The following CACNA1D variants were observed in gnomAD, a reference collection of about 807,000 sequenced individuals.
CACNA1D encodes the protein voltage-dependent L-type calcium channel subunit alpha-1D.
Under a neutral mutation model 257.1 loss-of-function variants are expected in CACNA1D, and 55 were observed. The ratio of observed to expected loss-of-function variants is 0.21; its 90% confidence interval spans 0.17 to 0.27. The LOEUF (loss-of-function observed/expected upper bound fraction) is 0.27, where lower values mean the gene tolerates loss of function less well. CACNA1D is among the 10% of genes least tolerant of loss of function. The pLI is 1.00. For synonymous variants in CACNA1D, 980 were observed against 1,014.9 expected, an observed-to-expected ratio of 0.97 and a Z score of 0.65; for missense variants, 1,876 against 2,784.0, an observed-to-expected ratio of 0.67 and a Z score of 7.34.
Position 53,810,875 on chromosome 3 carries a change from A to T in CACNA1D, c.6193-238A>T, listed in dbSNP as rs141895693. On this transcript the variant is annotated intron_variant, in intron 47 of 47. Transcript: ENST00000350061. ...CGGCATATGTTTCTAGTTTATACTA[A>T]ATGTCTTTCCCCAGTGGGTTTCACT... 4.3e-4 allele frequency among the ~76,000 whole-genome samples: 65 copies of T among 151,758 alleles called. No individual in the cohort carries two copies. In the East Asian group the frequency reaches 0.011, roughly 27 times the overall value.
chr3:53,792,220 G>A lies in CACNA1D; in HGVS notation c.4923+5268G>A, dbSNP rs375941990. The stretch of plus-strand genomic sequence containing the variant: ...GATGTCAACAGAGGTAACCCTGCAG[G>A]TTGCATTTTCACATCTTAAGAATAG... On this transcript the variant is annotated intron_variant, in intron 40 of 47. Coordinates refer to ENST00000350061, the MANE Select transcript of CACNA1D (RefSeq NM_001128840.3). The A allele has an allele frequency of 4.6e-5, 7 of 152,148 alleles. No individual in the cohort carries two copies. The East Asian group carries it at 1.2e-3, about 25-fold the overall frequency. The allele number at this position is 152,148 out of a possible 1,614,324, so 9.4% of individuals were successfully genotyped here.
intron 8 of CACNA1D, among the ~76,000 whole-genome samples, chr3:53,682,365 T>TAAAAAAAAAAAAAAAAAAAAAAAAAAA (rs3082718): frequency 1.1e-4 from 5 of 47,364 alleles, no homozygotes; most frequent in Admixed American, 8.4e-4. Flanking sequence ...TTGTCTCTGG[T>TAAAAAAAAAAAAAAAAAAAAAAAAAAA]AAAAAAAAAA....
intron 38 of CACNA1D, among the ~76,000 whole-genome samples, chr3:53,780,917 T>C (rs1361344100): frequency 6.6e-6 from 1 of 152,160 alleles, no homozygotes; most frequent in Non-Finnish European, 1.5e-5. Context: ...AGGTGACTTC[T>C]TACAACCCTA....
intron 43 of CACNA1D, among the ~76,000 whole-genome samples, chr3:53,802,868 C>T (rs1439367956): frequency 6.6e-6 from 1 of 152,172 alleles, no homozygotes; most frequent in Non-Finnish European, 1.5e-5. Flanking sequence ...GGGAGACTTA[C>T]CACATTCCTG....
intron 3 of CACNA1D, among the ~76,000 whole-genome samples, chr3:53,647,976 G>A (rs994790283): frequency 1.3e-5 from 2 of 152,206 alleles, no homozygotes; most frequent in Admixed American, 6.5e-5. Flanking sequence ...AGAGGGCAAA[G>A]GAGAAGGAAA....
intron 5 of CACNA1D, among the ~76,000 whole-genome samples, chr3:53,664,034 G>T (rs2094234241): frequency 6.6e-6 from 1 of 152,156 alleles, no homozygotes; most frequent in African/African-American, 2.4e-5. Flanking sequence ...CCAAAGTGCT[G>T]GGATTACAGG....
At chr3:53,527,205 C>T (rs999343245) in intron 3 of CACNA1D, among the ~76,000 whole-genome samples, 1 of 152,200 alleles carries the variant, frequency 6.6e-6, no homozygotes, top group Non-Finnish European at 1.5e-5. Context: ...TACCCAAGGG[C>T]ATAGTGGCTG....
chr3:53,684,632 A>T (rs1165913969), intron 8 of CACNA1D, among the ~76,000 whole-genome samples: 2 of 99,694 alleles, frequency 2.0e-5, no homozygotes, highest in Non-Finnish European at 4.6e-5. Flanking sequence ...AAAAAAAAAA[A>T]AAAAAAAAAA....
intron 3 of CACNA1D, among the ~76,000 whole-genome samples, chr3:53,579,631 T>A (rs1390255740): frequency 6.6e-6 from 1 of 152,188 alleles, no homozygotes; most frequent in Non-Finnish European, 1.5e-5. Context: ...ACCCAGTGAT[T>A]TTCAAAAACA....
chr3:53,753,516 A>T, intron 28 of CACNA1D, 56 bp from the exon 29 acceptor site: 1 of 1,162,986 alleles, frequency 8.6e-7, no homozygotes, highest in Admixed American at 1.7e-5. Context: ...TCCATGTGCA[A>T]GCATGTGAGA....
intron 3 of CACNA1D, among the ~76,000 whole-genome samples, chr3:53,619,825 T>C (rs1431439807): frequency 6.6e-6 from 1 of 152,154 alleles, no homozygotes; most frequent in East Asian, 1.9e-4. Context: ...CAACCAGAAA[T>C]GTATAAACTC....
At chr3:53,767,120 T>G (rs1289558989) in intron 30 of CACNA1D, among the ~76,000 whole-genome samples, 1 of 152,282 alleles carries the variant, frequency 6.6e-6, no homozygotes. Context: ...TGGGCTTTTC[T>G]AGTGACCCCA....
rs139656327 is a variant in CACNA1D at position 53,738,772 on chromosome 3, C to T, written c.2752-1508C>T. 8.3e-4 allele frequency among the ~76,000 whole-genome samples: 126 copies of T among 151,740 alleles called. 6 individuals carry two copies. In the East Asian group the frequency reaches 0.014, roughly 16 times the overall value. ...CGAATTCTTAGTTTAAAAAAGAGAG[C>T]GAGAGAATGCAAGCAGAGTGAGGGA... is the stretch of plus-strand genomic sequence containing the variant. On this transcript the variant is annotated intron_variant, in intron 20 of 47. Transcript: ENST00000350061.
chr3:53,555,441 T>G (rs3774446), intron 3 of CACNA1D, among the ~76,000 whole-genome samples: 5,774 of 108,232 alleles, frequency 0.053, 354 homozygotes, highest in Middle Eastern at 0.084. Context: ...CTGGTGGGTG[T>G]GTGTGTGTGT....
intron 3 of CACNA1D, among the ~76,000 whole-genome samples, chr3:53,637,294 C>T (rs970707482): frequency 2.6e-5 from 4 of 152,196 alleles, no homozygotes; most frequent in African/African-American, 9.7e-5. Flanking sequence ...CTGCAGTATT[C>T]GTATTACACA....
At position 53,496,383 on chromosome 3, in the gene CACNA1D, A is replaced by C. The variant is rs143856946; in HGVS notation, c.68-769A>C. 7.4e-3 allele frequency among the ~76,000 whole-genome samples: 1,134 copies of C among 152,324 alleles called. 13 individuals carry two copies. The highest frequency in any genetic ancestry group is 0.026 in the African/African-American group (1,084 of 41,582). ...TGGAGGCCCCTGGCATAATCCAGTCAGTCTATCCTAGGTGTAGGGGTGCAG... is the reference window on the plus strand; with the variant it reads ...TGGAGGCCCCTGGCATAATCCAGTCCGTCTATCCTAGGTGTAGGGGTGCAG... On this transcript the variant is annotated intron_variant, in intron 1 of 47. Coordinates refer to ENST00000350061, the MANE Select transcript of CACNA1D (RefSeq NM_001128840.3).
At chr3:53,535,326 G>C (rs2092083117) in intron 3 of CACNA1D, among the ~76,000 whole-genome samples, 1 of 152,224 alleles carries the variant, frequency 6.6e-6, no homozygotes, top group Admixed American at 6.5e-5. Context: ...AAGGGATGTA[G>C]GGAAGCCAGT....
intron 3 of CACNA1D, among the ~76,000 whole-genome samples, chr3:53,626,562 C>T (rs957301428): frequency 6.6e-6 from 1 of 151,104 alleles, no homozygotes; most frequent in African/African-American, 2.4e-5. Flanking sequence ...TGAGCCAGTT[C>T]CTCTGATTTT....
intron 9 of CACNA1D, among the ~76,000 whole-genome samples, chr3:53,706,597 A>T (rs62253775): frequency 0.029 from 4,412 of 152,256 alleles, 95 homozygotes; most frequent in Non-Finnish European, 0.048. Flanking sequence ...TTCATCAGAC[A>T]CCAGTAAAAG....
Sources: gnomAD v4.1 joint callset for allele counts (sites outside exome capture counted in the v4.1 genomes callset) on GRCh38, gnomAD v4.1.1 for gene constraint, MANE v1.5 for transcripts, NCBI Gene and HGNC (gene_info 2026-07-23, HGNC 2026-07-21) for gene names.